Variants in ANPEP observed in about 807,000 individuals in gnomAD.
ANPEP encodes aminopeptidase N.
A neutral mutation model predicts 114.6 loss-of-function variants in ANPEP; 70 were observed. The observed-to-expected ratio is 0.61, with a 90% CI of 0.50 to 0.75. The LOEUF is 0.75. Ranked by LOEUF, ANPEP falls within the 30% of genes least tolerant of loss-of-function variation. The pLI, the probability that ANPEP is intolerant of heterozygous loss-of-function variation, is 0.00. For synonymous variants in ANPEP, 548 were observed against 522.3 expected, an observed-to-expected ratio of 1.05 and a Z score of -0.67; for missense variants, 1,184 against 1,259.5, an observed-to-expected ratio of 0.94 and a Z score of 0.91.
rs1894589511 is a variant in ANPEP at position 89,801,496 on chromosome 15, G to C, written c.1681C>G (p.Leu561Val). 1.9e-6 allele frequency: 3 copies of C among 1,614,040 alleles called. No individual in the cohort carries two copies. The highest frequency in any genetic ancestry group is 3.3e-5 in the Admixed American group (2 of 60,010). ...VITVDTSTGT[L>V]SQEHFLLDPD... ...TCAAGGAGGAAGTGCTCCTGGGAAAGGGTCCCCGTGCTGGTATCCACCGTG... is the reference window on the plus strand; with the variant it reads ...TCAAGGAGGAAGTGCTCCTGGGAAACGGTCCCCGTGCTGGTATCCACCGTG... Residue 561 changes from leucine to valine, a missense_variant, in exon 11 of 21, where the codon CTT becomes GTT. Leu to Val is a conservative substitution (Grantham distance 32). Coordinates refer to ENST00000300060, the MANE Select transcript of ANPEP (RefSeq NM_001150.3).
intron 1 of ANPEP, among the ~76,000 whole-genome samples, chr15:89,814,231 A>C (rs1009275314): frequency 2.6e-5 from 4 of 151,416 alleles, no homozygotes; most frequent in African/African-American, 9.7e-5. Context: ...GGCGTTGAGC[A>C]CCTAGAGTTC....
rs1894579147 is a variant in ANPEP at position 89,801,101 on chromosome 15, G to T, written c.1819+10C>A. On this transcript the variant is annotated intron_variant, in intron 12 of 20. Transcript: ENST00000300060. ...TGGGGGCTGCTGCCCATAAGGCAGG[G>T]CTGGATTACCTCTTACATCTATCAG... is the stretch of plus-strand genomic sequence containing the variant. 3 of 1,613,504 alleles carry T rather than the reference G, an allele frequency of 1.9e-6. No homozygotes were observed. Among genetic ancestry groups the T allele is most frequent in the African/African-American group, 1.3e-5 (1 of 74,926 alleles).
chr15:89,800,552 T>C (rs1299787824), intron 12 of ANPEP, among the ~76,000 whole-genome samples: 1 of 148,760 alleles, frequency 6.7e-6, no homozygotes, highest in Non-Finnish European at 1.5e-5. Context: ...ATGTGGATTC[T>C]CTCCTTTTTT....
intron 17 of ANPEP, 22 bp downstream of exon 17, chr15:89,792,430 G>A: frequency 6.2e-7 from 1 of 1,613,502 alleles, no homozygotes. Flanking sequence ...ACTGGCAGAG[G>A]AGGCGCAGGG....
intron 1 of ANPEP, among the ~76,000 whole-genome samples, chr15:89,809,568 C>T (rs1894782946): frequency 6.6e-6 from 1 of 152,208 alleles, no homozygotes; most frequent in African/African-American, 2.4e-5. Flanking sequence ...CCATGCTCTG[C>T]AGCCCCCACC....
chr15:89,796,495 T>C (rs75437050), intron 15 of ANPEP, among the ~76,000 whole-genome samples: 13 of 147,690 alleles, frequency 8.8e-5, no homozygotes, highest in African/African-American at 3.1e-4. Flanking sequence ...TTTTTTTTTT[T>C]CTTTTTTTTT....
intron 17 of ANPEP, 25 bp downstream of exon 17, chr15:89,792,427 G>A: frequency 1.2e-6 from 2 of 1,613,464 alleles, no homozygotes; most frequent in Middle Eastern, 1.6e-4. Context: ...AAGACTGGCA[G>A]AGGAGGCGCA....
chr15:89,806,030 T>A lies in ANPEP; in HGVS notation c.554A>T (p.Glu185Val). 1.2e-6 allele frequency: 2 copies of A among 1,610,952 alleles called. No individual in the cohort carries two copies. The highest frequency in any genetic ancestry group is 1.7e-6 in the Non-Finnish European group (2 of 1,177,598). Reference sequence around the variant, plus strand: ...GAAGCCCGCCAGGTCATCTGCCAACTCCCCCTCGAACTCGCTGTCCATCTC... The same window carrying A: ...GAAGCCCGCCAGGTCATCTGCCAACACCCCCTCGAACTCGCTGTCCATCTC... The part of the protein sequence containing the change: ...QYEMDSEFEG[E>V]LADDLAGFYR... Residue 185 changes from glutamate (E) to valine (V), a missense_variant, in exon 2 of 21, where the codon GAG (glutamate) becomes GTG (valine). By Grantham distance (121) the Glu-to-Val change is moderately radical. Coordinates refer to ENST00000300060, the MANE Select transcript of ANPEP (RefSeq NM_001150.3). This position sits in a 1 kb window ranked among gnomAD's most constrained non-coding sequence, Gnocchi z 5.7.
At position 89,792,325 on chromosome 15, in the gene ANPEP, A is replaced by G; in HGVS notation, c.2363T>C (p.Ile788Thr). 1.2e-6 allele frequency: 2 copies of G among 1,614,056 alleles called. No homozygotes were observed. The highest frequency in any genetic ancestry group is 1.3e-5 in the African/African-American group (1 of 75,040). The change falls in exon 18 of 21, where the codon ATC becomes ACC. Residue 788 changes from isoleucine (I) to threonine (T), a missense_variant and splice_region_variant. By Grantham distance (89) the Ile-to-Thr change is moderately conservative. Coordinates refer to ENST00000300060, the MANE Select transcript of ANPEP (RefSeq NM_001150.3). ...GACGGTGGACCGCAGGTTGGGGTGG[A>G]TCCTGGTGTGGGGTAGGGAGGTCAG... is the stretch of plus-strand genomic sequence containing the variant. ...QWMENPNNNP[I>T]HPNLRSTVYC... is the part of the protein sequence containing the mutation.
At chr15:89,797,781 G>T in intron 14 of ANPEP, 59 bp from the exon 15 acceptor site, 1 of 1,608,604 alleles carries the variant, frequency 6.2e-7, no homozygotes. Flanking sequence ...CCACAGCCTG[G>T]GAACCCCAAC....
At chr15:89,814,174 C>T (rs1894866261) in intron 1 of ANPEP, among the ~76,000 whole-genome samples, 1 of 152,220 alleles carries the variant, frequency 6.6e-6, no homozygotes, top group African/African-American at 2.4e-5. Flanking sequence ...CATGCCCCGG[C>T]ATCTTGGCCG....
rs755407054 is a variant in ANPEP at position 89,806,104 on chromosome 15, C to T, written c.480G>A (p.Glu160=). ...IDKTELVEPT[E]YLVVHLKGSL... is the part of the protein sequence containing the mutation. ...AGCCCTTGAGGTGCACCACCAGGTA[C>T]TCGGTGGGCTCCACCAGCTCAGTCT... The change falls in exon 2 of 21, where the codon GAG becomes GAA. Residue 160 remains glutamate (E), a synonymous_variant. Transcript: ENST00000300060. This position sits in a 1 kb window ranked among gnomAD's most constrained non-coding sequence, Gnocchi z 5.7. The T allele has an allele frequency of 4.8e-5, 78 of 1,613,994 alleles. No individual in the cohort carries two copies. The highest frequency in any genetic ancestry group is 6.3e-5 in the Non-Finnish European group (74 of 1,180,004).
At chr15:89,810,384 A>G (rs1054656497) in intron 1 of ANPEP, among the ~76,000 whole-genome samples, 1 of 37,570 alleles carries the variant, frequency 2.7e-5, no homozygotes, top group African/African-American at 9.5e-5. Context: ...GTCTCAAAAA[A>G]TAAATAAATA....
At position 89,803,157 on chromosome 15, in the gene ANPEP, C is replaced by G. The variant is rs939352123; in HGVS notation, c.1569+82G>C. 2.0e-6 allele frequency: 3 copies of G among 1,485,538 alleles called. No homozygotes were observed. The highest frequency in any genetic ancestry group is 1.1e-5 in the South Asian group (1 of 88,144). The allele number at this position is 1,485,538 out of a possible 1,614,324, so 92.0% of individuals were successfully genotyped here. On this transcript the variant is annotated intron_variant, in intron 10 of 20. Transcript: ENST00000300060. The surrounding 1 kb of genome is among the most constrained non-coding windows in gnomAD (Gnocchi z 4.2). ...TCAGCCGCGGAGCTGGACCCATTCTCTTACGCATGTGCTGCCCCCAGGTAC... is the reference window on the plus strand; with the variant it reads ...TCAGCCGCGGAGCTGGACCCATTCTGTTACGCATGTGCTGCCCCCAGGTAC...
chr15:89,797,703 T>C lies in ANPEP; in HGVS notation c.2029A>G (p.Thr677Ala). ...NLASAHKVPV[T>A]LALNNTLFLI... ...AAGAGGGTGTTGTTCAGCGCCAGAG[T>C]GACAGGGACCTTATGGGCACTGGGA... The change falls in exon 15 of 21, where the codon ACT becomes GCT. Residue 677 changes from threonine to alanine, a missense_variant. Thr to Ala is a moderately conservative substitution (Grantham distance 58). Transcript: ENST00000300060. 1 of 1,613,886 alleles carries C rather than the reference T, an allele frequency of 6.2e-7. No individual in the cohort carries two copies. Among genetic ancestry groups the C allele is most frequent in the Non-Finnish European group, 8.5e-7 (1 of 1,179,960 alleles).
chr15:89,811,418 G>A (rs1229564795), intron 1 of ANPEP, among the ~76,000 whole-genome samples: 8 of 151,784 alleles, frequency 5.3e-5, no homozygotes, highest in South Asian at 2.1e-4. Flanking sequence ...AGGCTGAGGC[G>A]GACGGATCAC....
chr15:89,801,665 A>C (rs1894594669), intron 10 of ANPEP, 58 bp from the exon 11 acceptor site: 3 of 1,580,342 alleles, frequency 1.9e-6, no homozygotes, highest in Non-Finnish European at 2.6e-6. Flanking sequence ...CCTGCCATCC[A>C]GGGCATCTCC....
At chr15:89,814,577 G>A (rs544250088) in intron 1 of ANPEP, among the ~76,000 whole-genome samples, 195 bp downstream of exon 1, 37 of 152,326 alleles carry the variant, frequency 2.4e-4, no homozygotes, top group Admixed American at 7.2e-4. Context: ...AGATCGTAGT[G>A]GGAGCTCGGC....
At chr15:89,810,556 AGAAC>A (rs932107352) in intron 1 of ANPEP, among the ~76,000 whole-genome samples, 8 of 151,978 alleles carry the variant, frequency 5.3e-5, no homozygotes, top group African/African-American at 1.9e-4. Context: ...GGACGACAAC[AGAAC>A]GAGACTCTGT....
Sources: allele counts gnomAD v4.1 joint callset (sites outside exome capture counted in the v4.1 genomes callset), GRCh38; gene constraint gnomAD v4.1.1; non-coding constraint Gnocchi (gnomAD v3.1); transcripts MANE v1.5; gene names NCBI Gene and HGNC (gene_info 2026-07-23, HGNC 2026-07-21).